The following SLC22A3 variants were observed in gnomAD, a reference collection of about 807,000 sequenced individuals.
The protein encoded by SLC22A3 is EMT organic cation transporter 3.
SLC22A3 carries 51 observed loss-of-function variants against 59.1 expected under a neutral mutation model. That is an observed-to-expected ratio of 0.86 (90% CI 0.69 to 1.09). The LOEUF is 1.09. Ranked by LOEUF, SLC22A3 falls within the 50% of genes least tolerant of loss-of-function variation. The pLI is 0.00. For missense variants in SLC22A3, 711 were observed against 726.3 expected, an observed-to-expected ratio of 0.98 and a Z score of 0.24; for synonymous variants, 325 against 292.0, an observed-to-expected ratio of 1.11 and a Z score of -1.15.
chr6:160,408,890 C>G lies in SLC22A3; in HGVS notation c.826C>G (p.Leu276Val), dbSNP rs1420729077. The G allele has an allele frequency of 6.2e-7, 1 of 1,613,746 alleles. No individual in the cohort carries two copies. The highest frequency in any genetic ancestry group is 1.7e-5 in the Admixed American group (1 of 59,948). ...NWQGIQLAIT[L>V]PSFLFLLYYW... ...GCAAGGAATCCAGTTAGCCATCACG[C>G]TGCCCAGCTTTCTCTTCCTCCTTTA... The change falls in exon 4 of 11, where the codon CTG (leucine) becomes GTG (valine). Residue 276 changes from leucine (L) to valine (V), a missense_variant. Physicochemically the swap from Leu to Val is conservative, Grantham distance 32. Coordinates refer to ENST00000275300, the MANE Select transcript of SLC22A3 (RefSeq NM_021977.4).
At chr6:160,426,787 C>G (rs1787973426) in intron 5 of SLC22A3, among the ~76,000 whole-genome samples, 1 of 152,162 alleles carries the variant, frequency 6.6e-6, no homozygotes, top group African/African-American at 2.4e-5. Flanking sequence ...ATGTCCTTTT[C>G]TGACCTGCGT....
At chr6:160,448,572 A>G (rs1377770810) in intron 10 of SLC22A3, among the ~76,000 whole-genome samples, 1 of 152,162 alleles carries the variant, frequency 6.6e-6, no homozygotes, top group Non-Finnish European at 1.5e-5. Flanking sequence ...AGATAGAGAG[A>G]TTGAGTTTTG....
chr6:160,378,798 A>C (rs1252032295), intron 1 of SLC22A3, among the ~76,000 whole-genome samples: 1 of 152,230 alleles, frequency 6.6e-6, no homozygotes, highest in Non-Finnish European at 1.5e-5. Context: ...CCTATTTTGT[A>C]ATAAAGGGTT....
At chr6:160,417,279 A>G (rs1220972435) in intron 5 of SLC22A3, among the ~76,000 whole-genome samples, 3 of 152,204 alleles carry the variant, frequency 2.0e-5, no homozygotes. Context: ...CAAGAACAGC[A>G]GATCCCAAAT....
chr6:160,442,639 G>A, intron 7 of SLC22A3, 122 bp from the exon 8 acceptor site: 1 of 741,962 alleles, frequency 1.3e-6, no homozygotes, highest in Non-Finnish European at 2.5e-6. Flanking sequence ...TCTATCATTT[G>A]TGCTTAAAAT....
chr6:160,355,571 C>G (rs1008052489), intron 1 of SLC22A3, among the ~76,000 whole-genome samples: 2 of 150,902 alleles, frequency 1.3e-5, no homozygotes, highest in Non-Finnish European at 2.9e-5. Context: ...ACCATCCTGG[C>G]TAACACGGTG....
chr6:160,401,099 G>A (rs534505986), intron 2 of SLC22A3, among the ~76,000 whole-genome samples: 37 of 151,202 alleles, frequency 2.4e-4, no homozygotes, highest in Admixed American at 2.1e-3. Context: ...TGTGTAATAG[G>A]AATACCAAAA....
In SLC22A3 at chr6:160,451,267, T is replaced by C. The variant is rs1788953138; in HGVS notation, c.*211T>C. The C allele has an allele frequency of 1.8e-6, 1 of 555,744 alleles. No homozygotes were observed. Among genetic ancestry groups the C allele is most frequent in the Non-Finnish European group, 3.2e-6 (1 of 310,562 alleles). 34.4% of individuals were successfully genotyped at this position (555,744 alleles called of 1,614,324 possible). On this transcript the variant is annotated 3_prime_UTR_variant, in exon 11 of 11. Transcript: ENST00000275300. ...TGTTGAAGTTTCTGGGAACACATAA[T>C]ATGTAGCCAGTTTAACAAAGAAGCT...
chr6:160,357,973 T>C (rs1319482570), intron 1 of SLC22A3, among the ~76,000 whole-genome samples: 1 of 152,230 alleles, frequency 6.6e-6, no homozygotes, highest in Non-Finnish European at 1.5e-5. Flanking sequence ...CTATCCAGTC[T>C]GTATCTAATA....
chr6:160,410,992 A>T (rs1439547833), intron 5 of SLC22A3, 146 bp downstream of exon 5: 2 of 407,838 alleles, frequency 4.9e-6, no homozygotes, highest in Non-Finnish European at 8.9e-6. Flanking sequence ...ATATGTATAC[A>T]CACACACACA....
At chr6:160,402,055 A>G (rs1786805499) in intron 2 of SLC22A3, among the ~76,000 whole-genome samples, 2 of 151,968 alleles carry the variant, frequency 1.3e-5, no homozygotes, top group South Asian at 4.1e-4. Context: ...TTTAAATGTA[A>G]GATGGTCTAA....
At chr6:160,447,108 C>A (rs956697650) in intron 9 of SLC22A3, among the ~76,000 whole-genome samples, 4 of 152,092 alleles carry the variant, frequency 2.6e-5, no homozygotes, top group Non-Finnish European at 5.9e-5. Flanking sequence ...CTCTAAAGAG[C>A]AGAAAAAGAA....
chr6:160,397,415 G>A (rs527836223), intron 1 of SLC22A3, among the ~76,000 whole-genome samples: 1 of 152,042 alleles, frequency 6.6e-6, no homozygotes, highest in East Asian at 1.9e-4. Context: ...GGTGGTTGGG[G>A]ACTCTTGCTC....
At chr6:160,388,404 C>T (rs947381326) in intron 1 of SLC22A3, among the ~76,000 whole-genome samples, 4 of 152,170 alleles carry the variant, frequency 2.6e-5, no homozygotes, top group Non-Finnish European at 5.9e-5. Flanking sequence ...GGACCCACCC[C>T]TAGAAATTTT....
chr6:160,373,336 G>C (rs1367413895), intron 1 of SLC22A3, among the ~76,000 whole-genome samples: 8 of 152,194 alleles, frequency 5.3e-5, no homozygotes, highest in African/African-American at 1.7e-4. Context: ...ACCAGTGGAG[G>C]CTGCAGAACA....
At chr6:160,370,427 T>G (rs1337773414) in intron 1 of SLC22A3, among the ~76,000 whole-genome samples, 1 of 152,246 alleles carries the variant, frequency 6.6e-6, no homozygotes. Flanking sequence ...TGAATGTCTC[T>G]TCATTGCTTC....
intron 7 of SLC22A3, among the ~76,000 whole-genome samples, chr6:160,439,098 C>T (rs1008716436): frequency 6.6e-6 from 1 of 152,080 alleles, no homozygotes; most frequent in Non-Finnish European, 1.5e-5. Context: ...TGTACAATAG[C>T]TATCTCTTAA....
intron 1 of SLC22A3, among the ~76,000 whole-genome samples, chr6:160,385,473 A>G (rs1256710735): frequency 6.6e-6 from 1 of 152,178 alleles, no homozygotes; most frequent in Non-Finnish European, 1.5e-5. Flanking sequence ...GATGGGGCTG[A>G]ACAAGACAGT....
intron 1 of SLC22A3, among the ~76,000 whole-genome samples, chr6:160,390,543 C>A (rs769151215): frequency 1.3e-5 from 2 of 151,890 alleles, no homozygotes; most frequent in Non-Finnish European, 2.9e-5. Flanking sequence ...CAGTATCTTG[C>A]GGGTCCAGGC....
Sources: allele counts gnomAD v4.1 joint callset (sites outside exome capture counted in the v4.1 genomes callset), GRCh38; gene constraint gnomAD v4.1.1; transcripts MANE v1.5; gene names NCBI Gene and HGNC (gene_info 2026-07-23, HGNC 2026-07-21).